The following TP53INP1 variants were observed in gnomAD, a reference collection of about 807,000 sequenced individuals.
The protein encoded by TP53INP1 is tumor protein p53-inducible nuclear protein 1.
TP53INP1 carries 12 observed loss-of-function variants against 21.0 expected under a neutral mutation model. The observed-to-expected ratio is 0.57, with a 90% CI of 0.37 to 0.93. The LOEUF is 0.93. Among genes scored for constraint, TP53INP1 ranks in the 40% least tolerant of loss-of-function variants. TP53INP1 has a pLI of 0.01. For missense variants in TP53INP1, 274 were observed against 294.7 expected (o/e 0.93, Z 0.51); for synonymous variants, 91 against 94.8 (o/e 0.96, Z 0.23).
chr8:94,939,792 G>C, intron 3 of TP53INP1, 68 bp downstream of exon 3: 2 of 1,555,942 alleles, frequency 1.3e-6, no homozygotes, highest in Non-Finnish European at 1.7e-6. Context: ...ACTTAGCTTT[G>C]AATTACAGTA....
rs1819917034 is a variant in TP53INP1, at chr8:94,926,527, AG to A, written c.*3951del. 1 of 151,992 alleles carries A rather than the reference AG, an allele frequency of 6.6e-6. No individual in the cohort carries two copies. Among genetic ancestry groups the A allele is most frequent in the Admixed American group, 6.5e-5 (1 of 15,268 alleles). The allele number at this position is 151,992 out of a possible 1,614,324, so 9.4% of individuals were successfully genotyped here. A position where few individuals can be genotyped will look rare whatever the true frequency, so the allele number is the denominator to read the frequency against. On this transcript the variant is annotated 3_prime_UTR_variant, in exon 4 of 4. Coordinates refer to ENST00000342697, the MANE Select transcript of TP53INP1 (RefSeq NM_033285.4). The stretch of plus-strand genomic sequence containing the variant: ...CCTGAAACACACATCTAACCTCCCC[AG>A]GTACTGGTTTGGTTTTCAGAGGTCC...
At chr8:94,935,052 G>A (rs1820818737) in intron 3 of TP53INP1, among the ~76,000 whole-genome samples, 1 of 152,008 alleles carries the variant, frequency 6.6e-6, no homozygotes, top group South Asian at 2.1e-4. Flanking sequence ...AAATTAATGT[G>A]CTGCCTAGGG....
chr8:94,942,343 T>C (rs958998185), intron 1 of TP53INP1, among the ~76,000 whole-genome samples: 2 of 151,950 alleles, frequency 1.3e-5, no homozygotes, highest in African/African-American at 4.8e-5. Context: ...CCCGCATGCC[T>C]TTTGCTCCCT....
intron 3 of TP53INP1, chr8:94,932,240 TTAAGA>T (rs762294077): frequency 3.5e-5 from 31 of 885,628 alleles, no homozygotes; most frequent in East Asian, 3.2e-4. Flanking sequence ...GTACATGTGC[TTAAGA>T]TAACATGTAA....
chr8:94,949,141 C>CA lies in TP53INP1; in HGVS notation c.-151+12_-151+13insT, dbSNP rs1053337248. ...CCTGGACGGACGCCCGCCCGCCCCC[C>CA]CCCGGCACTTACGTGGGCCCGGGCC... is the stretch of plus-strand genomic sequence containing the variant. On this transcript the variant is annotated intron_variant, in intron 1 of 3. Coordinates refer to ENST00000342697, the MANE Select transcript of TP53INP1 (RefSeq NM_033285.4). 1.3e-5 allele frequency: 2 copies of CA among 149,228 alleles called. No individual in the cohort carries two copies. Among genetic ancestry groups the CA allele is most frequent in the Admixed American group, 6.7e-5 (1 of 15,028 alleles). 9.2% of individuals were successfully genotyped at this position (149,228 alleles called of 1,614,324 possible).
At chr8:94,946,132 G>C (rs1323939876) in intron 1 of TP53INP1, among the ~76,000 whole-genome samples, 1 of 150,882 alleles carries the variant, frequency 6.6e-6, no homozygotes, top group Non-Finnish European at 1.5e-5. Flanking sequence ...TACACATAAG[G>C]CTTCTTTTTA....
At chr8:94,933,259 A>G (rs11779282) in intron 3 of TP53INP1, among the ~76,000 whole-genome samples, 22,785 of 152,174 alleles carry the variant, frequency 0.15, 1,817 homozygotes, top group Middle Eastern at 0.26. Context: ...CCCTTTATAT[A>G]TGGAAAAGTA....
chr8:94,942,316 A>G (rs1586743269), intron 1 of TP53INP1, among the ~76,000 whole-genome samples: 1 of 152,106 alleles, frequency 6.6e-6, no homozygotes, highest in South Asian at 2.1e-4. Context: ...CTAGGATTAC[A>G]GGCGTGAGCT....
At chr8:94,933,837 G>GGGC (rs1554630468) in intron 3 of TP53INP1, among the ~76,000 whole-genome samples, 2 of 148,148 alleles carry the variant, frequency 1.3e-5, no homozygotes, top group African/African-American at 5.0e-5. Context: ...CACTTTGTGG[G>GGGC]GGGGGGGGGA....
At chr8:94,934,066 A>T (rs1428434841) in intron 3 of TP53INP1, among the ~76,000 whole-genome samples, 1 of 151,898 alleles carries the variant, frequency 6.6e-6, no homozygotes, top group African/African-American at 2.4e-5. Context: ...AACAAGAGTG[A>T]AACTCTGTCT....
intron 1 of TP53INP1, among the ~76,000 whole-genome samples, chr8:94,945,892 A>G (rs1821943342): frequency 6.6e-6 from 1 of 152,192 alleles, no homozygotes; most frequent in Non-Finnish European, 1.5e-5. Context: ...CAGAAAAGAA[A>G]CAAAGTGTCT....
intron 3 of TP53INP1, among the ~76,000 whole-genome samples, chr8:94,935,088 A>ATGGT (rs1820820731): frequency 7.2e-6 from 1 of 139,248 alleles, no homozygotes; most frequent in African/African-American, 3.2e-5. Flanking sequence ...AAAACAGGAA[A>ATGGT]CGGTAGGTAG....
rs1430109863 is a variant in TP53INP1 at position 94,927,972 on chromosome 8, A to C, written c.*2507T>G. 4 of 152,544 alleles carry C rather than the reference A, an allele frequency of 2.6e-5. No homozygotes were observed. The highest frequency in any genetic ancestry group is 5.9e-5 in the Non-Finnish European group (4 of 68,022). 9.4% of individuals were successfully genotyped at this position (152,544 alleles called of 1,614,324 possible). On this transcript the variant is annotated 3_prime_UTR_variant, in exon 4 of 4. Coordinates refer to ENST00000342697, the MANE Select transcript of TP53INP1 (RefSeq NM_033285.4). ...GTTTCAGAGAATACTTAACAGGTCA[A>C]CATCGTTCTGTGTTGTGGTTGGCCT...
intron 3 of TP53INP1, among the ~76,000 whole-genome samples, chr8:94,937,735 C>G (rs2956205): frequency 6.6e-6 from 1 of 152,234 alleles, no homozygotes; most frequent in South Asian, 2.1e-4. Flanking sequence ...GAAGCTGTAA[C>G]TATGTTTTTA....
chr8:94,926,177 A>G lies in TP53INP1; in HGVS notation c.*4302T>C, dbSNP rs1819874105. ...ACCAATCAGTATAAAAAATTTCTAT[A>G]AAAACAAAATTTAGACCGTGGCTCA... is the stretch of plus-strand genomic sequence containing the variant. On this transcript the variant is annotated 3_prime_UTR_variant, in exon 4 of 4. Coordinates refer to ENST00000342697, the MANE Select transcript of TP53INP1 (RefSeq NM_033285.4). 6.5e-6 allele frequency: 1 copy of G among 152,760 alleles called. No homozygotes were observed. Among genetic ancestry groups the G allele is most frequent in the East Asian group, 1.9e-4 (1 of 5,190 alleles). The allele number at this position is 152,760 out of a possible 1,614,324, so 9.5% of individuals were successfully genotyped here. A position where few individuals can be genotyped will look rare whatever the true frequency, so the allele number is the denominator to read the frequency against.
rs774305091 is a variant in TP53INP1, at chr8:94,940,950, C to T, written c.-9G>A. The T allele has an allele frequency of 6.2e-7, 1 of 1,605,590 alleles. No individual in the cohort carries two copies. Among genetic ancestry groups the T allele is most frequent in the Non-Finnish European group, 8.5e-7 (1 of 1,174,350 alleles). On this transcript the variant is annotated 5_prime_UTR_variant, in exon 2 of 4. Transcript: ENST00000342697. Reference sequence around the variant, plus strand: ...TTCAGCCTCTGGAACATTGTTAAGGCAAGACTGAGAGTTTGGCTGGATGTC... The same window carrying T: ...TTCAGCCTCTGGAACATTGTTAAGGTAAGACTGAGAGTTTGGCTGGATGTC...
Position 94,940,868 on chromosome 8 carries a change from T to G in TP53INP1, c.74A>C (p.Glu25Ala), listed in dbSNP as rs777199067. The G allele has an allele frequency of 1.2e-6, 2 of 1,613,742 alleles. No individual in the cohort carries two copies. Among genetic ancestry groups the G allele is most frequent in the South Asian group, 2.2e-5 (2 of 91,040 alleles). ...AAGAATCCATTCATCATCTTCTTTC[T>G]CATTGAATTCTGGTTCTTGGTTGGA... is the stretch of plus-strand genomic sequence containing the variant. ...SSSNQEPEFN[E>A]KEDDEWILVD... The change falls in exon 2 of 4, where the codon GAG (glutamate) becomes GCG (alanine). Residue 25 changes from glutamate to alanine, a missense_variant. By Grantham distance (107) the Glu-to-Ala change is moderately radical (BLOSUM62 -1). Transcript: ENST00000342697.
At chr8:94,938,194 T>C (rs1821177800) in intron 3 of TP53INP1, among the ~76,000 whole-genome samples, 1 of 152,160 alleles carries the variant, frequency 6.6e-6, no homozygotes, top group Non-Finnish European at 1.5e-5. Context: ...ACCAACAAGA[T>C]CAATTAACCT....
At chr8:94,937,786 C>G (rs1022309642) in intron 3 of TP53INP1, among the ~76,000 whole-genome samples, 1 of 152,088 alleles carries the variant, frequency 6.6e-6, no homozygotes, top group Non-Finnish European at 1.5e-5. Context: ...TGGGGGTTAC[C>G]TAGACCCCAT....
Sources: gnomAD v4.1 joint callset for allele counts (sites outside exome capture counted in the v4.1 genomes callset) on GRCh38, gnomAD v4.1.1 for gene constraint, MANE v1.5 for transcripts, NCBI Gene and HGNC (gene_info 2026-07-23, HGNC 2026-07-21) for gene names.